LTBP2: variants seen among roughly 807,000 people sequenced by gnomAD.
LTBP2 encodes the protein latent-transforming growth factor beta-binding protein 2.
LTBP2 carries 103 observed loss-of-function variants against 210.6 expected under a neutral mutation model. The ratio of observed to expected loss-of-function variants is 0.49; its 90% CI spans 0.42 to 0.58. The LOEUF is 0.58. LTBP2 is among the 20% of genes least tolerant of loss of function. The pLI is 0.00. For synonymous variants in LTBP2, 1,007 were observed against 1,015.0 expected (o/e 0.99, Z 0.15); for missense variants, 2,313 against 2,494.5 (o/e 0.93, Z 1.55).
intron 3 of LTBP2, among the ~76,000 whole-genome samples, chr14:74,584,546 G>A (rs1181532195): frequency 6.6e-6 from 1 of 152,072 alleles, no homozygotes; most frequent in Admixed American, 6.5e-5. Flanking sequence ...ACAAGGCACC[G>A]GCACTGCCCA....
intron 9 of LTBP2, among the ~76,000 whole-genome samples, chr14:74,534,868 C>T (rs2087399186): frequency 1.3e-5 from 2 of 151,992 alleles, no homozygotes; most frequent in Admixed American, 1.3e-4. Flanking sequence ...AGGGAAGGTC[C>T]TTTGGTGTCC....
At chr14:74,560,060 C>T (rs1364515063) in intron 3 of LTBP2, 5 of 152,056 alleles carry the variant, frequency 3.3e-5, no homozygotes, top group Non-Finnish European at 5.9e-5. Context: ...CACAATGGAC[C>T]AAAAAGTCAT....
chr14:74,574,524 A>G (rs2139776044), intron 3 of LTBP2, among the ~76,000 whole-genome samples: 1 of 152,350 alleles, frequency 6.6e-6, no homozygotes, highest in African/African-American at 2.4e-5. Context: ...GGAAAAGAAT[A>G]GGGTAGGAAT....
At chr14:74,513,868 G>A (rs550692178) in intron 18 of LTBP2, among the ~76,000 whole-genome samples, 2 of 152,286 alleles carry the variant, frequency 1.3e-5, no homozygotes, top group South Asian at 2.1e-4. Context: ...GTTTGTTAAC[G>A]CAGCATAACC....
intron 4 of LTBP2, among the ~76,000 whole-genome samples, chr14:74,555,198 G>A (rs1326368873): frequency 6.6e-6 from 1 of 152,124 alleles, no homozygotes; most frequent in Non-Finnish European, 1.5e-5. Context: ...GAACGAGTGG[G>A]ACCAGGGAGT....
chr14:74,567,317 C>G (rs938029408), intron 3 of LTBP2, among the ~76,000 whole-genome samples: 1 of 152,200 alleles, frequency 6.6e-6, no homozygotes, highest in Non-Finnish European at 1.5e-5. Flanking sequence ...GAGCAGCCAG[C>G]CTTTAGGCTG....
At chr14:74,605,251 C>T (rs974873470) in intron 1 of LTBP2, among the ~76,000 whole-genome samples, 3 of 152,204 alleles carry the variant, frequency 2.0e-5, no homozygotes, top group East Asian at 1.9e-4. Context: ...TGGAGTCTTA[C>T]GAAGAATTCA....
intron 20 of LTBP2, 92 bp from the exon 21 acceptor site, chr14:74,509,951 T>A: frequency 6.2e-7 from 1 of 1,610,564 alleles, no homozygotes; most frequent in Non-Finnish European, 8.5e-7. Context: ...AGGACAGGTC[T>A]GGGCAGGGAT....
At chr14:74,540,940 A>AT (rs1160403006) in intron 8 of LTBP2, among the ~76,000 whole-genome samples, 2 of 24,786 alleles carry the variant, frequency 8.1e-5, no homozygotes, top group South Asian at 2.2e-3. Flanking sequence ...ATATATATAT[A>AT]TATATTTTTT....
At chr14:74,516,997 G>T in intron 17 of LTBP2, 56 bp from the exon 18 acceptor site, 1 of 1,543,564 alleles carries the variant, frequency 6.5e-7, no homozygotes. Context: ...ATGGTGGAGG[G>T]GGCGGGGTCC....
At chr14:74,504,345 C>T (rs1200280348) in intron 30 of LTBP2, among the ~76,000 whole-genome samples, 2 of 152,242 alleles carry the variant, frequency 1.3e-5, no homozygotes, top group Non-Finnish European at 2.9e-5. Flanking sequence ...AGACTAGCTT[C>T]AGGACTAGGG....
intron 3 of LTBP2, among the ~76,000 whole-genome samples, chr14:74,583,839 T>A (rs564005045): frequency 6.6e-6 from 1 of 152,324 alleles, no homozygotes; most frequent in East Asian, 1.9e-4. Flanking sequence ...TAGCTCCTGG[T>A]CCAGTGAGCA....
At chr14:74,549,336 T>G (rs970908300) in intron 8 of LTBP2, among the ~76,000 whole-genome samples, 9 of 149,532 alleles carry the variant, frequency 6.0e-5, no homozygotes, top group East Asian at 3.9e-4. Context: ...ATGAATGAAT[T>G]AACACATGTT....
At chr14:74,540,823 T>A (rs1490059732) in intron 8 of LTBP2, among the ~76,000 whole-genome samples, 3 of 7,994 alleles carry the variant, frequency 3.8e-4, no homozygotes, top group Non-Finnish European at 5.0e-3. Context: ...TATATATATT[T>A]TTATATAATA....
chr14:74,564,037 A>ATATATATATATT (rs1159047086), intron 3 of LTBP2, among the ~76,000 whole-genome samples: 2 of 25,630 alleles, frequency 7.8e-5, no homozygotes, highest in Non-Finnish European at 2.0e-4. Context: ...ATATATATTT[A>ATATATATATATT]TATATATATA....
intron 17 of LTBP2, among the ~76,000 whole-genome samples, chr14:74,521,354 T>C (rs2087199441): frequency 6.6e-6 from 1 of 152,202 alleles, no homozygotes. Flanking sequence ...AAAAAATGTA[T>C]GTGGGGTGTT....
Position 74,590,998 on chromosome 14 carries a change from A to AAT in LTBP2, c.566-4882_566-4881dup, listed in dbSNP as rs549568156. ...TGTACTCCAAAAGCTATTGAAATTA[A>AAT]ATATATATATAAAATAAGATCTTTC... On this transcript the variant is annotated intron_variant, in intron 2 of 35. Transcript: ENST00000261978. Among the ~76,000 whole-genome samples, 237 of 152,324 alleles carry AAT rather than the reference A, an allele frequency of 1.6e-3. 1 individual carries two copies. Among genetic ancestry groups the AAT allele is most frequent in the Non-Finnish European group, 2.7e-3 (182 of 68,036 alleles).
chr14:74,537,880 G>T (rs1051524753), intron 8 of LTBP2, among the ~76,000 whole-genome samples: 1 of 152,034 alleles, frequency 6.6e-6, no homozygotes, highest in South Asian at 2.1e-4. Context: ...TCAGCCTCCC[G>T]AGTAGCTGGG....
chr14:74,529,985 A>C lies in LTBP2; in HGVS notation c.1988-863T>G, dbSNP rs75563037. ...GTCAGGCCCAGGACGCAGCAGACCA[A>C]GTTCAAATCCCTGCTCCACCATGAA... On this transcript the variant is annotated intron_variant, in intron 10 of 35. Coordinates refer to ENST00000261978, the MANE Select transcript of LTBP2 (RefSeq NM_000428.3). Among the ~76,000 whole-genome samples, 1,072 of 152,276 alleles carry C rather than the reference A, an allele frequency of 7.0e-3. 38 individuals carry two copies. Among genetic ancestry groups the C allele is most frequent in the Admixed American group, 0.054 (824 of 15,294 alleles).
Sources: gnomAD v4.1 joint callset for allele counts (sites outside exome capture counted in the v4.1 genomes callset) on GRCh38, gnomAD v4.1.1 for gene constraint, MANE v1.5 for transcripts, NCBI Gene and HGNC (gene_info 2026-07-23, HGNC 2026-07-21) for gene names.